LRRTM4: variants seen among roughly 807,000 people sequenced by gnomAD.
LRRTM4 encodes leucine rich repeat transmembrane neuronal 4, also known as leucine-rich repeat transmembrane neuronal protein 4.
In LRRTM4, 25 loss-of-function variants were observed where a neutral mutation model predicts 47.6. The ratio of observed to expected loss-of-function variants is 0.53; its 90% CI spans 0.38 to 0.73. LRRTM4 has a LOEUF of 0.73. Among genes scored for constraint, LRRTM4 ranks in the 30% least tolerant of loss-of-function variants. The pLI is 0.00. For synonymous variants in LRRTM4, 311 were observed against 269.5 expected (o/e 1.15, Z -1.51); for missense variants, 638 against 713.4 (o/e 0.89, Z 1.20).
intron 3 of LRRTM4, among the ~76,000 whole-genome samples, chr2:77,124,329 C>CTGTCAA (rs1671600123): frequency 6.6e-6 from 1 of 152,060 alleles, no homozygotes; most frequent in Non-Finnish European, 1.5e-5. Context: ...GTTAAATACA[C>CTGTCAA]ACAGGACAAT....
At chr2:77,134,119 T>C (rs1046097255) in intron 3 of LRRTM4, among the ~76,000 whole-genome samples, 1 of 152,114 alleles carries the variant, frequency 6.6e-6, no homozygotes, top group African/African-American at 2.4e-5. Flanking sequence ...ATATATGATA[T>C]ATATGTATAT....
intron 3 of LRRTM4, among the ~76,000 whole-genome samples, chr2:77,460,227 G>C (rs1474715614): frequency 6.6e-6 from 1 of 152,026 alleles, no homozygotes; most frequent in Non-Finnish European, 1.5e-5. Flanking sequence ...AGTAACCTAG[G>C]CTGCTTCTCA....
intron 3 of LRRTM4, among the ~76,000 whole-genome samples, chr2:76,806,254 G>A (rs75876346): frequency 6.6e-6 from 1 of 152,088 alleles, no homozygotes; most frequent in African/African-American, 2.4e-5. Flanking sequence ...ATTAGAAGAT[G>A]TCATTTTGAA....
chr2:77,451,165 A>T (rs981989202), intron 3 of LRRTM4, among the ~76,000 whole-genome samples: 1 of 152,130 alleles, frequency 6.6e-6, no homozygotes, highest in African/African-American at 2.4e-5. Context: ...CTGAAGTCAC[A>T]TTTGATCACC....
intron 3 of LRRTM4, among the ~76,000 whole-genome samples, chr2:76,790,876 T>C (rs1674936593): frequency 6.6e-6 from 1 of 152,208 alleles, no homozygotes; most frequent in Admixed American, 6.5e-5. Context: ...AATGATGCTG[T>C]CTGACTGAAT....
chr2:77,271,137 C>G (rs971208114), intron 3 of LRRTM4, among the ~76,000 whole-genome samples: 15 of 152,164 alleles, frequency 9.9e-5, no homozygotes, highest in African/African-American at 3.4e-4. Context: ...CAATAAAATT[C>G]TTCGCCTTCA....
chr2:77,466,936 T>G (rs557691057), intron 3 of LRRTM4, among the ~76,000 whole-genome samples: 1 of 152,136 alleles, frequency 6.6e-6, no homozygotes, highest in East Asian at 1.9e-4. Context: ...TGACCTCAAG[T>G]GATCCACCTG....
intron 3 of LRRTM4, among the ~76,000 whole-genome samples, chr2:77,239,173 G>A (rs1031796607): frequency 6.6e-6 from 1 of 151,746 alleles, no homozygotes; most frequent in South Asian, 2.1e-4. Flanking sequence ...AGCAAGATAT[G>A]GTAGGTTTAT....
At chr2:77,176,736 G>A (rs1473430766) in intron 3 of LRRTM4, among the ~76,000 whole-genome samples, 1 of 152,108 alleles carries the variant, frequency 6.6e-6, no homozygotes, top group Admixed American at 6.6e-5. Context: ...TTACATATTG[G>A]TTTTATATTT....
chr2:77,236,734 G>A (rs1675112814), intron 3 of LRRTM4, among the ~76,000 whole-genome samples: 1 of 152,034 alleles, frequency 6.6e-6, no homozygotes, highest in African/African-American at 2.4e-5. Flanking sequence ...ATCATGAAGT[G>A]ATACTGGATT....
chr2:77,210,573 C>G (rs1674263292), intron 3 of LRRTM4, among the ~76,000 whole-genome samples: 1 of 151,958 alleles, frequency 6.6e-6, no homozygotes, highest in Admixed American at 6.6e-5. Context: ...CCATTTAATT[C>G]CCCACAATCT....
intron 3 of LRRTM4, among the ~76,000 whole-genome samples, chr2:77,293,949 CTTG>C (rs1370220281): frequency 3.3e-5 from 5 of 151,928 alleles, no homozygotes; most frequent in African/African-American, 7.3e-5. Context: ...AACAAATAAA[CTTG>C]TTGTTTTAAG....
intron 3 of LRRTM4, among the ~76,000 whole-genome samples, chr2:76,801,898 A>G (rs1675710816): frequency 6.6e-6 from 1 of 152,168 alleles, no homozygotes. Flanking sequence ...TAGATGCAGA[A>G]ATGCATTGGA....
intron 3 of LRRTM4, among the ~76,000 whole-genome samples, chr2:77,270,813 C>T: frequency 6.6e-6 from 1 of 152,226 alleles, no homozygotes; most frequent in East Asian, 1.9e-4. Flanking sequence ...GCACTTTCCT[C>T]TGGTGGGTCA....
intron 3 of LRRTM4, among the ~76,000 whole-genome samples, chr2:76,984,664 T>C (rs1335203781): frequency 6.6e-6 from 1 of 151,878 alleles, no homozygotes; most frequent in Non-Finnish European, 1.5e-5. Context: ...GATTGGAAGA[T>C]CAGAAAAACA....
At chr2:76,994,720 G>T (rs1202083649) in intron 3 of LRRTM4, among the ~76,000 whole-genome samples, 3 of 151,914 alleles carry the variant, frequency 2.0e-5, no homozygotes, top group Non-Finnish European at 4.4e-5. Context: ...ATACACTGAA[G>T]ATTTATCTCA....
chr2:77,052,457 C>T (rs773934239), intron 3 of LRRTM4, among the ~76,000 whole-genome samples: 23 of 151,948 alleles, frequency 1.5e-4, no homozygotes, highest in Non-Finnish European at 2.8e-4. Context: ...GTGTGAGCCA[C>T]CATGCCCAGC....
At chr2:77,450,048 A>G (rs1676197579) in intron 3 of LRRTM4, among the ~76,000 whole-genome samples, 1 of 152,198 alleles carries the variant, frequency 6.6e-6, no homozygotes, top group Non-Finnish European at 1.5e-5. Context: ...CCCAGCACCT[A>G]GTTCAAGTAA....
intron 3 of LRRTM4, among the ~76,000 whole-genome samples, chr2:77,249,435 G>C (rs145198713): frequency 6.6e-6 from 1 of 151,696 alleles, no homozygotes; most frequent in Non-Finnish European, 1.5e-5. Context: ...GCCACAAACC[G>C]TAGGAAAATA....
Sources: allele counts gnomAD v4.1 joint callset (sites outside exome capture counted in the v4.1 genomes callset), GRCh38; gene constraint gnomAD v4.1.1; transcripts MANE v1.5; gene names NCBI Gene and HGNC (gene_info 2026-07-23, HGNC 2026-07-21).